The following ARHGAP29 variants were observed in gnomAD, a reference collection of about 807,000 sequenced individuals.
ARHGAP29 encodes rho GTPase-activating protein 29.
Under a neutral mutation model 122.6 loss-of-function variants are expected in ARHGAP29, and 43 were observed. The observed-to-expected ratio is 0.35, with a 90% CI of 0.27 to 0.45. The LOEUF is 0.45. Among genes scored for constraint, ARHGAP29 ranks in the 20% least tolerant of loss-of-function variants. The probability of loss-of-function intolerance (pLI) is 1.00; values close to 1 mark genes in which losing one functional copy is unlikely to be tolerated. For missense variants in ARHGAP29, 1,303 were observed against 1,477.2 expected (o/e 0.88, Z 1.93); for synonymous variants, 506 against 497.1 (o/e 1.02, Z -0.24).
Position 94,173,796 on chromosome 1 carries a change from A to T in ARHGAP29, c.*73T>A. 6.6e-7 allele frequency: 1 copy of T among 1,510,668 alleles called. No homozygotes were observed. 93.6% of individuals were successfully genotyped at this position (1,510,668 alleles called of 1,614,324 possible). ...TATACAAAAGAGGCCCTGTCAAAAC[A>T]TTCTTTCACAAAACAAGCACAATAC... On this transcript the variant is annotated 3_prime_UTR_variant, in exon 23 of 23. Coordinates refer to ENST00000260526, the MANE Select transcript of ARHGAP29 (RefSeq NM_004815.4).
intron 8 of ARHGAP29, 110 bp from the exon 9 acceptor site, chr1:94,203,320 A>C: frequency 1.5e-6 from 1 of 672,026 alleles, no homozygotes; most frequent in East Asian, 3.0e-5. Flanking sequence ...TTTTGCCCCC[A>C]GAAAAATAAC....
chr1:94,223,706 T>C (rs1046444711), intron 2 of ARHGAP29, among the ~76,000 whole-genome samples: 1 of 152,102 alleles, frequency 6.6e-6, no homozygotes. Context: ...AGGTTAATGA[T>C]ATAGGTTAGC....
intron 1 of ARHGAP29, chr1:94,248,098 G>T (rs1174796749): frequency 2.0e-5 from 3 of 152,222 alleles, no homozygotes; most frequent in African/African-American, 7.2e-5. Context: ...TTTGTCGGCC[G>T]TCTTCCTCCA....
intron 1 of ARHGAP29, among the ~76,000 whole-genome samples, chr1:94,234,264 C>T (rs539616747): frequency 6.6e-6 from 1 of 152,298 alleles, no homozygotes; most frequent in South Asian, 2.1e-4. Flanking sequence ...GAGGAATGAA[C>T]TACTTAGAAC....
At chr1:94,263,521 G>A (rs1198533070) in intron 1 of ARHGAP29, among the ~76,000 whole-genome samples, 1 of 152,104 alleles carries the variant, frequency 6.6e-6, no homozygotes, top group Admixed American at 6.6e-5. Context: ...TATCACATGA[G>A]GAGGCAGAGC....
intron 1 of ARHGAP29, among the ~76,000 whole-genome samples, chr1:94,248,911 G>A (rs1258885933): frequency 6.6e-6 from 1 of 152,106 alleles, no homozygotes; most frequent in Non-Finnish European, 1.5e-5. Context: ...TGGAGTCTTC[G>A]CCATGTTGCC....
chr1:94,173,057 G>A lies in ARHGAP29; in HGVS notation c.*812C>T, dbSNP rs1480907423. 1 of 152,342 alleles carries A rather than the reference G, an allele frequency of 6.6e-6. No homozygotes were observed. Among genetic ancestry groups the A allele is most frequent in the Non-Finnish European group, 1.5e-5 (1 of 67,970 alleles). 9.4% of individuals were successfully genotyped at this position (152,342 alleles called of 1,614,324 possible). A position where few individuals can be genotyped will look rare whatever the true frequency, so the allele number is the denominator to read the frequency against. On this transcript the variant is annotated 3_prime_UTR_variant, in exon 23 of 23. Coordinates refer to ENST00000260526, the MANE Select transcript of ARHGAP29 (RefSeq NM_004815.4). ...AAAACTTCTGAAACAGGCATTTTTT[G>A]GACCATTTATAAAATACTAAAAAGT...
At chr1:94,181,704 T>C (rs766465603) in intron 19 of ARHGAP29, among the ~76,000 whole-genome samples, 3 of 152,194 alleles carry the variant, frequency 2.0e-5, no homozygotes, top group African/African-American at 7.2e-5. Context: ...TCTTTCATTT[T>C]AAGCAGACAG....
intron 2 of ARHGAP29, among the ~76,000 whole-genome samples, chr1:94,230,052 C>T (rs547596775): frequency 6.6e-6 from 1 of 151,736 alleles, no homozygotes; most frequent in East Asian, 1.9e-4. Flanking sequence ...AGGTAAATGA[C>T]TTGTCAACTA....
chr1:94,232,385 C>T (rs375749235), intron 1 of ARHGAP29, among the ~76,000 whole-genome samples: 9 of 152,172 alleles, frequency 5.9e-5, no homozygotes, highest in Admixed American at 3.9e-4. Flanking sequence ...CACAACACAT[C>T]CTGGATTACC....
At chr1:94,252,131 T>A (rs541774259) in intron 1 of ARHGAP29, among the ~76,000 whole-genome samples, 7 of 152,366 alleles carry the variant, frequency 4.6e-5, no homozygotes, top group African/African-American at 1.7e-4. Context: ...ATAAGAGAAC[T>A]ATATTACATT....
intron 1 of ARHGAP29, among the ~76,000 whole-genome samples, chr1:94,256,104 T>C (rs12750249): frequency 0.21 from 31,708 of 152,090 alleles, 4,061 homozygotes; most frequent in East Asian, 0.3. Flanking sequence ...GTGAACTATT[T>C]ACTCAAAATT....
intron 22 of ARHGAP29, 89 bp downstream of exon 22, chr1:94,177,523 C>G (rs1239378259): frequency 1.1e-6 from 1 of 941,418 alleles, no homozygotes; most frequent in African/African-American, 1.7e-5. Context: ...TCTGGCTTCC[C>G]TCATTGCCCC....
At chr1:94,310,204 T>C in the ARHGAP29 span, among the ~76,000 whole-genome samples, 1 of 152,240 alleles carries the variant, frequency 6.6e-6, no homozygotes, top group East Asian at 1.9e-4. Flanking sequence ...CTGGCAGCAA[T>C]ACCTGGGCAA....
chr1:94,232,089 T>A (rs964445737), intron 1 of ARHGAP29, among the ~76,000 whole-genome samples: 1 of 152,160 alleles, frequency 6.6e-6, no homozygotes, highest in Non-Finnish European at 1.5e-5. Context: ...GAAGGTCATA[T>A]TCTCCTTCCA....
At chr1:94,284,434 T>A in the ARHGAP29 span, among the ~76,000 whole-genome samples, 8 of 152,324 alleles carry the variant, frequency 5.3e-5, no homozygotes, top group East Asian at 1.5e-3. Context: ...GTGTAGTAGA[T>A]TATATTACTG....
At chr1:94,264,757 C>T (rs561930746) in intron 1 of ARHGAP29, among the ~76,000 whole-genome samples, 18 of 152,276 alleles carry the variant, frequency 1.2e-4, no homozygotes, top group African/African-American at 3.4e-4. Flanking sequence ...ACCCCATCCC[C>T]GGTCTTTGCC....
the ARHGAP29 span, among the ~76,000 whole-genome samples, chr1:94,292,140 T>G: frequency 6.6e-6 from 1 of 152,344 alleles, no homozygotes; most frequent in African/African-American, 2.4e-5. Flanking sequence ...TCTTGGAGGC[T>G]TTGTTTGTTT....
chr1:94,273,082 G>A (rs927590497), intron 1 of ARHGAP29, among the ~76,000 whole-genome samples: 3 of 152,170 alleles, frequency 2.0e-5, no homozygotes, highest in Admixed American at 6.5e-5. Context: ...CTGTGACCAA[G>A]CAGGTAACTC....
Sources: gnomAD v4.1 joint callset for allele counts (sites outside exome capture counted in the v4.1 genomes callset) on GRCh38, gnomAD v4.1.1 for gene constraint, MANE v1.5 for transcripts, NCBI Gene and HGNC (gene_info 2026-07-23, HGNC 2026-07-21) for gene names.